Variants in VKORC1L1 observed in about 807,000 individuals in gnomAD.
VKORC1L1 encodes the protein vitamin K epoxide reductase complex subunit 1L1.
A neutral mutation model predicts 18.9 loss-of-function variants in VKORC1L1; 2 were observed. That is an observed-to-expected ratio of 0.11 (90% CI 0.04 to 0.33). VKORC1L1 has a LOEUF of 0.33. VKORC1L1 is among the 10% of genes least tolerant of loss of function. The probability of loss-of-function intolerance (pLI) is 1.00; values close to 1 mark genes in which losing one functional copy is unlikely to be tolerated. For synonymous variants in VKORC1L1, 96 were observed against 100.0 expected (o/e 0.96, Z 0.24); for missense variants, 123 against 224.1 (o/e 0.55, Z 2.88).
chr7:65,898,617 C>T (rs1021445001), intron 1 of VKORC1L1, among the ~76,000 whole-genome samples: 6 of 152,036 alleles, frequency 3.9e-5, no homozygotes, highest in East Asian at 1.9e-4. Context: ...GGAGTGGAAC[C>T]GAGTGGCCAG....
upstream of VKORC1L1, among the ~76,000 whole-genome samples, chr7:65,869,980 G>GTT (rs201200192): frequency 9.7e-3 from 1,415 of 145,616 alleles, 25 homozygotes; most frequent in African/African-American, 0.031. Flanking sequence ...AAAAGCTTTT[G>GTT]TTTTTTTTTT....
intron 1 of VKORC1L1, among the ~76,000 whole-genome samples, chr7:65,911,788 CA>C (rs1789506321): frequency 6.6e-6 from 1 of 152,144 alleles, no homozygotes; most frequent in African/African-American, 2.4e-5. Flanking sequence ...GTCGTGGATT[CA>C]TAACAAATAA....
At position 65,954,302 on chromosome 7, in the gene VKORC1L1, G is replaced by A. The variant is rs563348929; in HGVS notation, c.*2G>A. On this transcript the variant is annotated 3_prime_UTR_variant, in exon 3 of 3. Coordinates refer to ENST00000360768, the MANE Select transcript of VKORC1L1 (RefSeq NM_173517.6). ...CAGCTGCAACCCAAGCAGGACTGAC[G>A]CCCGACAGACTCCACCCTAACAGTC... The A allele has an allele frequency of 7.4e-6, 12 of 1,613,848 alleles. No homozygotes were observed. Among genetic ancestry groups the A allele is most frequent in the South Asian group, 3.3e-5 (3 of 91,082 alleles).
chr7:65,890,257 A>T (rs899230105), intron 1 of VKORC1L1, among the ~76,000 whole-genome samples: 1 of 150,818 alleles, frequency 6.6e-6, no homozygotes, highest in African/African-American at 2.4e-5. Context: ...CAGCCTCCCG[A>T]GTAACTGGGA....
At chr7:65,948,901 A>G (rs1790165141) in intron 2 of VKORC1L1, 121 bp downstream of exon 2, 2 of 1,268,128 alleles carry the variant, frequency 1.6e-6, no homozygotes, top group East Asian at 5.3e-5. Flanking sequence ...CGTGTACAAC[A>G]TTTTTGTGTT....
chr7:65,869,299 G>A (rs1226773771), upstream of VKORC1L1, among the ~76,000 whole-genome samples: 1 of 151,564 alleles, frequency 6.6e-6, no homozygotes, highest in Non-Finnish European at 1.5e-5. Context: ...GCGTGACAGA[G>A]CTAAAAAAAA....
At chr7:65,867,063 T>A in the VKORC1L1 span, among the ~76,000 whole-genome samples, 1 of 152,178 alleles carries the variant, frequency 6.6e-6, no homozygotes, top group Non-Finnish European at 1.5e-5. Flanking sequence ...GGCATGTGCC[T>A]GTAGTCCCAG....
At chr7:65,900,263 A>G (rs1282272765) in intron 1 of VKORC1L1, among the ~76,000 whole-genome samples, 2 of 142,250 alleles carry the variant, frequency 1.4e-5, no homozygotes, top group Non-Finnish European at 3.1e-5. Context: ...GGTGGCGGGC[A>G]CCTGTAGTCT....
chr7:65,952,764 T>G (rs1790231984), intron 2 of VKORC1L1, among the ~76,000 whole-genome samples: 1 of 141,384 alleles, frequency 7.1e-6, no homozygotes. Context: ...AGAATTCAGG[T>G]GCCTTTTTTT....
chr7:65,906,378 A>C (rs1441738597), intron 1 of VKORC1L1, among the ~76,000 whole-genome samples: 2 of 151,126 alleles, frequency 1.3e-5, no homozygotes, highest in African/African-American at 4.9e-5. Context: ...CTCAAAAAGA[A>C]AAAAAAAAGG....
intron 1 of VKORC1L1, among the ~76,000 whole-genome samples, chr7:65,891,623 C>G (rs1473916528): frequency 6.6e-6 from 1 of 151,968 alleles, no homozygotes; most frequent in Non-Finnish European, 1.5e-5. Flanking sequence ...TTTTTATTCT[C>G]TTAAAGGTGT....
intron 1 of VKORC1L1, among the ~76,000 whole-genome samples, chr7:65,877,060 CA>C (rs1393971808): frequency 6.6e-6 from 1 of 151,972 alleles, no homozygotes; most frequent in Admixed American, 6.6e-5. Context: ...AAAAGAAAAA[CA>C]AAAAAACCTA....
chr7:65,945,596 G>A (rs577243461), intron 1 of VKORC1L1, among the ~76,000 whole-genome samples: 33 of 151,510 alleles, frequency 2.2e-4, no homozygotes, highest in African/African-American at 7.5e-4. Context: ...TGGGCGACAC[G>A]AATGAGACTC....
At chr7:65,866,427 G>T in the VKORC1L1 span, among the ~76,000 whole-genome samples, 1 of 152,198 alleles carries the variant, frequency 6.6e-6, no homozygotes, top group Non-Finnish European at 1.5e-5. Flanking sequence ...GGCACGGCTG[G>T]CATTTGGCTT....
At chr7:65,917,149 C>CTTTTTTTGT in intron 1 of VKORC1L1, among the ~76,000 whole-genome samples, 1 of 152,112 alleles carries the variant, frequency 6.6e-6, no homozygotes, top group Non-Finnish European at 1.5e-5. Context: ...AAAAAAGTGT[C>CTTTTTTTGT]CTGGTTACTT....
intron 1 of VKORC1L1, among the ~76,000 whole-genome samples, chr7:65,945,490 T>A (rs1166393703): frequency 6.6e-6 from 1 of 151,788 alleles, no homozygotes; most frequent in Non-Finnish European, 1.5e-5. Flanking sequence ...TGGGCGCCTG[T>A]AGTCCCAGCC....
At chr7:65,931,752 A>G (rs776735822) in intron 1 of VKORC1L1, among the ~76,000 whole-genome samples, 3 of 151,294 alleles carry the variant, frequency 2.0e-5, no homozygotes, top group Non-Finnish European at 4.4e-5. Flanking sequence ...AGGAATTCTC[A>G]TGCCTTGACC....
At chr7:65,879,184 C>T (rs1203705306) in intron 1 of VKORC1L1, among the ~76,000 whole-genome samples, 1 of 152,088 alleles carries the variant, frequency 6.6e-6, no homozygotes, top group African/African-American at 2.4e-5. Flanking sequence ...CCATTGCTCC[C>T]ATACTTTAAA....
intron 1 of VKORC1L1, among the ~76,000 whole-genome samples, chr7:65,921,675 C>T (rs1474829111): frequency 2.0e-5 from 3 of 152,072 alleles, no homozygotes; most frequent in Non-Finnish European, 2.9e-5. Flanking sequence ...GGTGAAACCC[C>T]GTCTCTACTA....
Sources: allele counts gnomAD v4.1 joint callset (sites outside exome capture counted in the v4.1 genomes callset), GRCh38; gene constraint gnomAD v4.1.1; transcripts MANE v1.5; gene names NCBI Gene and HGNC (gene_info 2026-07-23, HGNC 2026-07-21).